Variants in COL28A1 observed in about 807,000 individuals in gnomAD.
COL28A1 encodes collagen type XXVIII alpha 1 chain.
In COL28A1, 161 loss-of-function variants were observed where a neutral mutation model predicts 150.2. The observed-to-expected ratio is 1.07, with a 90% CI of 0.94 to 1.22. The LOEUF (loss-of-function observed/expected upper bound fraction) is 1.22, where lower values mean the gene tolerates loss of function less well. Among genes scored for constraint, COL28A1 ranks in the 50% most tolerant of loss-of-function variants. The pLI, the probability that COL28A1 is intolerant of heterozygous loss-of-function variation, is 0.00. For missense variants in COL28A1, 1,617 were observed against 1,388.3 expected (o/e 1.16, Z -2.62); for synonymous variants, 552 against 469.7 (o/e 1.18, Z -2.26).
In COL28A1 at chr7:7,370,884, T is replaced by C. The variant is rs1034834253; in HGVS notation, c.2909-2A>G. On this transcript the variant is annotated splice_acceptor_variant, in intron 32 of 34. Transcript: ENST00000399429. LOFTEE classifies it high-confidence loss of function. ...GAAACAATTTTTGCTTCAGGGTGTC[T>C]TTTAAAAAAGAAGTAGAAAAGAGAG... is the stretch of plus-strand genomic sequence containing the variant. 1.9e-6 allele frequency: 3 copies of C among 1,595,180 alleles called. No individual in the cohort carries two copies.
chr7:7,432,632 A>G lies in COL28A1; in HGVS notation c.1929T>C (p.Pro643=), dbSNP rs1785054548. The change falls in exon 24 of 35, where the codon CCT becomes CCC. Residue 643 remains proline (P), a splice_region_variant and synonymous_variant. Transcript: ENST00000399429. ...GGGAAGAAAAAAATGTCCCACTTAC[A>G]GGCACACCAGGATAGCCATCACCTT... The part of the protein sequence containing the change: ...GLKGDGYPGV[P]GPRGLPGPPG... 1 of 1,613,858 alleles carries G rather than the reference A, an allele frequency of 6.2e-7. No individual in the cohort carries two copies. Among genetic ancestry groups the G allele is most frequent in the South Asian group, 1.1e-5 (1 of 91,070 alleles).
At chr7:7,499,412 A>G (rs937019655) in intron 11 of COL28A1, among the ~76,000 whole-genome samples, 1 of 152,176 alleles carries the variant, frequency 6.6e-6, no homozygotes, top group Non-Finnish European at 1.5e-5. Flanking sequence ...ATGTTCAAGT[A>G]CCCTACACTT....
intron 27 of COL28A1, among the ~76,000 whole-genome samples, chr7:7,411,891 A>T (rs1452687116): frequency 6.6e-6 from 1 of 152,226 alleles, no homozygotes; most frequent in Non-Finnish European, 1.5e-5. Context: ...CAGGAGAATG[A>T]CGGGGCATTC....
intron 27 of COL28A1, among the ~76,000 whole-genome samples, chr7:7,416,710 T>C (rs191988252): frequency 1.8e-4 from 28 of 152,320 alleles, no homozygotes; most frequent in African/African-American, 6.0e-4. Flanking sequence ...CAACAGTTAT[T>C]TAGAAGACCT....
At chr7:7,449,086 A>G (rs1452366041) in intron 18 of COL28A1, among the ~76,000 whole-genome samples, 1 of 152,140 alleles carries the variant, frequency 6.6e-6, no homozygotes, top group African/African-American at 2.4e-5. Context: ...CAAAACATCA[A>G]ATTGTATACT....
chr7:7,451,623 C>A (rs751397030), intron 18 of COL28A1, among the ~76,000 whole-genome samples: 17 of 151,852 alleles, frequency 1.1e-4, no homozygotes, highest in Non-Finnish European at 2.2e-4. Context: ...CTTACTATAT[C>A]GTATATTGCC....
chr7:7,477,237 T>C, intron 13 of COL28A1, 57 bp from the exon 14 acceptor site: 1 of 835,136 alleles, frequency 1.2e-6, no homozygotes, highest in Non-Finnish European at 2.1e-6. Context: ...GAAAGAGGAG[T>C]GATGAAAAAG....
rs534188102 is a variant in COL28A1, at chr7:7,417,233, C to G, written c.2136+626G>C. ...AAGCTTGTTGCTGCTGACGCAGAAG[C>G]AAAGTGACATGCAGATGGCTATGAA... On this transcript the variant is annotated intron_variant, in intron 27 of 34. Coordinates refer to ENST00000399429, the MANE Select transcript of COL28A1 (RefSeq NM_001037763.3). 1.5e-3 allele frequency among the ~76,000 whole-genome samples: 231 copies of G among 151,920 alleles called. 2 individuals carry two copies. Among genetic ancestry groups the G allele is most frequent in the African/African-American group, 5.1e-3 (211 of 41,418 alleles).
chr7:7,540,888 T>A, the COL28A1 span, among the ~76,000 whole-genome samples: 3 of 71,322 alleles, frequency 4.2e-5, no homozygotes, highest in African/African-American at 1.5e-4. Flanking sequence ...AGCTGGGGAT[T>A]GTTACAGCTA....
Position 7,417,934 on chromosome 7 carries a change from G to A in COL28A1, c.2068-7C>T, listed in dbSNP as rs1402573401. 2 of 1,602,114 alleles carry A rather than the reference G, an allele frequency of 1.2e-6. No homozygotes were observed. Among genetic ancestry groups the A allele is most frequent in the African/African-American group, 2.7e-5 (2 of 74,178 alleles). On this transcript the variant is annotated splice_polypyrimidine_tract_variant and splice_region_variant and intron_variant, in intron 26 of 34. Coordinates refer to ENST00000399429, the MANE Select transcript of COL28A1 (RefSeq NM_001037763.3). Reference sequence around the variant, plus strand: ...CTTTCTGCCCAGTATCACCCTGTTAGAAGATGGGGAGAATTTGAAGACAAA... The same window carrying A: ...CTTTCTGCCCAGTATCACCCTGTTAAAAGATGGGGAGAATTTGAAGACAAA...
intron 16 of COL28A1, among the ~76,000 whole-genome samples, chr7:7,455,022 T>C (rs1787031215): frequency 6.6e-6 from 1 of 152,102 alleles, no homozygotes; most frequent in African/African-American, 2.4e-5. Flanking sequence ...AGAAAAGTAA[T>C]AATAATAATA....
At chr7:7,455,554 T>A (rs1442223847) in intron 16 of COL28A1, among the ~76,000 whole-genome samples, 331 of 152,348 alleles carry the variant, frequency 2.2e-3, no homozygotes, top group African/African-American at 7.4e-3. Flanking sequence ...GTTTGCCCCT[T>A]AAACTAAGTG....
chr7:7,444,747 T>C (rs1198615029), intron 18 of COL28A1, among the ~76,000 whole-genome samples: 1 of 152,154 alleles, frequency 6.6e-6, no homozygotes, highest in Non-Finnish European at 1.5e-5. Flanking sequence ...GTAACCTTAA[T>C]TGGAAACATG....
At position 7,415,748 on chromosome 7, in the gene COL28A1, G is replaced by C. The variant is rs1306197119; in HGVS notation, c.2136+2111C>G. On this transcript the variant is annotated intron_variant, in intron 27 of 34. Transcript: ENST00000399429. The stretch of plus-strand genomic sequence containing the variant: ...GGGGTTTCACCATATTGGTGAGGCT[G>C]GTCTCAAACTCCTGACCTCATGATC... 2.6e-5 allele frequency among the ~76,000 whole-genome samples: 4 copies of C among 152,094 alleles called. No individual in the cohort carries two copies. In the South Asian group the frequency reaches 8.3e-4, roughly 32 times the overall value.
chr7:7,538,145 T>C (rs1365422850), upstream of COL28A1, among the ~76,000 whole-genome samples: 1 of 152,210 alleles, frequency 6.6e-6, no homozygotes, highest in Non-Finnish European at 1.5e-5. Flanking sequence ...GGGAAGATTA[T>C]GCAAAATAAA....
At chr7:7,482,386 C>G (rs746812766) in intron 13 of COL28A1, among the ~76,000 whole-genome samples, 6 of 151,974 alleles carry the variant, frequency 3.9e-5, no homozygotes, top group Non-Finnish European at 8.8e-5. Flanking sequence ...TTAGCCAGGT[C>G]TGGTGGCTGG....
At chr7:7,440,698 G>A (rs2128319901) in intron 21 of COL28A1, 92 bp downstream of exon 21, 1 of 592,200 alleles carries the variant, frequency 1.7e-6, no homozygotes, top group Non-Finnish European at 3.1e-6. Context: ...AAGGAAACAA[G>A]GAATCCAATT....
At chr7:7,502,345 C>A (rs940191889) in intron 11 of COL28A1, among the ~76,000 whole-genome samples, 9 of 152,218 alleles carry the variant, frequency 5.9e-5, no homozygotes, top group Admixed American at 3.3e-4. Context: ...AGCTACTTTA[C>A]ATGTGGAAAG....
intron 27 of COL28A1, among the ~76,000 whole-genome samples, chr7:7,401,249 G>A (rs1298861291): frequency 1.3e-5 from 2 of 151,850 alleles, no homozygotes; most frequent in Non-Finnish European, 2.9e-5. Context: ...AATGCTGGAG[G>A]ACCCAGGGCC....
Sources: allele counts gnomAD v4.1 joint callset (sites outside exome capture counted in the v4.1 genomes callset), GRCh38; gene constraint gnomAD v4.1.1; transcripts MANE v1.5; gene names NCBI Gene and HGNC (gene_info 2026-07-23, HGNC 2026-07-21).